The following DNAH3 variants were observed in gnomAD, a reference collection of about 807,000 sequenced individuals.
DNAH3 encodes the protein axonemal beta dynein heavy chain 3.
Under a neutral mutation model 432.5 loss-of-function variants are expected in DNAH3, and 332 were observed. That is an observed-to-expected ratio of 0.77 (90% CI 0.70 to 0.84). The LOEUF is 0.84. DNAH3 is among the 40% of genes least tolerant of loss of function. DNAH3 has a pLI of 0.00. For missense variants in DNAH3, 4,861 were observed against 5,114.0 expected, an observed-to-expected ratio of 0.95 and a Z score of 1.51; for synonymous variants, 1,956 against 1,900.2, an observed-to-expected ratio of 1.03 and a Z score of -0.76.
At chr16:21,038,838 T>C (rs185922881) in intron 33 of DNAH3, among the ~76,000 whole-genome samples, 1 of 152,210 alleles carries the variant, frequency 6.6e-6, no homozygotes, top group South Asian at 2.1e-4. Context: ...AAATGTCATA[T>C]GACTGAGGCA....
intron 15 of DNAH3, 149 bp downstream of exon 15, chr16:21,106,341 A>T: frequency 3.1e-6 from 2 of 636,088 alleles, no homozygotes; most frequent in Non-Finnish European, 4.6e-6. Context: ...TTTTATATTT[A>T]GTGGTAGAAT....
chr16:20,951,662 C>T (rs1433937587), intron 56 of DNAH3, among the ~76,000 whole-genome samples: 2 of 150,660 alleles, frequency 1.3e-5, no homozygotes, highest in East Asian at 3.9e-4. Flanking sequence ...TCTTAAACTT[C>T]TGGCCTCAAG....
rs1221722019 is a variant in DNAH3 at position 21,112,033 on chromosome 16, G to A, written c.1880C>T (p.Ala627Val). 17 of 1,613,596 alleles carry A rather than the reference G, an allele frequency of 1.1e-5. No homozygotes were observed. The African/African-American group carries it at 1.1e-4, about 10-fold the overall frequency. ...AATGTCATGATTTTCTTTCAGGAAC[G>A]CAGCGATGTTTTGCTCTGCCGTGTT... is the stretch of plus-strand genomic sequence containing the variant. The change falls in exon 13 of 62, where the codon GCG becomes GTG. Residue 627 changes from alanine to valine, a missense_variant. Transcript: ENST00000261383.
rs756497996 is a variant in DNAH3, at chr16:20,944,556, C to T, written c.11451G>A (p.Leu3817=). 3.1e-6 allele frequency: 5 copies of T among 1,614,196 alleles called. 1 individual carries two copies. The Admixed American group carries it at 8.3e-5, about 27-fold the overall frequency. ...GGAGGGTCAGCAGGACCCCCTCAAACAGCTGGTTGGTTTCCTGGTTGTCTT... is the reference window on the plus strand; with the variant it reads ...GGAGGGTCAGCAGGACCCCCTCAAATAGCTGGTTGGTTTCCTGGTTGTCTT... The change falls in exon 58 of 62, where the codon CTG becomes CTA. Residue 3817 remains leucine (L), a synonymous_variant. Transcript: ENST00000261383.
At chr16:21,084,907 T>A (rs2091312300) in intron 19 of DNAH3, among the ~76,000 whole-genome samples, 1 of 152,274 alleles carries the variant, frequency 6.6e-6, no homozygotes, top group East Asian at 1.9e-4. Flanking sequence ...TAGTGCCATC[T>A]CATAGAGAAA....
chr16:20,936,652 G>C (rs777494450), exon 60 of DNAH3: 2 of 1,593,354 alleles, frequency 1.3e-6, no homozygotes, highest in Admixed American at 3.4e-5. Flanking sequence ...CAGGTACCTG[G>C]AAGAAGGTCA....
exon 61 of DNAH3, chr16:20,935,467 G>C: frequency 6.2e-7 from 1 of 1,611,340 alleles, no homozygotes; most frequent in East Asian, 2.2e-5. Flanking sequence ...ACCACAGGGG[G>C]CCCCTTGTCA....
At chr16:21,046,924 T>C (rs937488504) in intron 31 of DNAH3, among the ~76,000 whole-genome samples, 109 of 152,026 alleles carry the variant, frequency 7.2e-4, no homozygotes, top group Non-Finnish European at 1.1e-3. Flanking sequence ...TTATTTCTCC[T>C]TCACTTATGA....
At chr16:20,941,413 A>C in exon 59 of DNAH3, 2 of 1,613,970 alleles carry the variant, frequency 1.2e-6, no homozygotes, top group Non-Finnish European at 1.7e-6. Flanking sequence ...GTTGAATCTG[A>C]TGAGCTCCTG....
chr16:21,134,359 G>T (rs376282549), exon 7 of DNAH3: 110 of 1,614,052 alleles, frequency 6.8e-5, no homozygotes, highest in Non-Finnish European at 9.2e-5. Flanking sequence ...CTGTGCCAGG[G>T]CACAGGGGCC....
In DNAH3 at chr16:20,936,638, C is replaced by T; in HGVS notation, c.11859+11G>A. On this transcript the variant is annotated intron_variant, in intron 60 of 61. Coordinates refer to ENST00000261383, the Ensembl canonical transcript of DNAH3. ...ATGCCAGGTTCCCGGTTACCCCTGACTCCCAGGTACCTGGAAGAAGGTCAG... is the reference window on the plus strand; with the variant it reads ...ATGCCAGGTTCCCGGTTACCCCTGATTCCCAGGTACCTGGAAGAAGGTCAG... 1 of 1,582,356 alleles carries T rather than the reference C, an allele frequency of 6.3e-7. No individual in the cohort carries two copies. The highest frequency in any genetic ancestry group is 8.6e-7 in the Non-Finnish European group (1 of 1,163,106).
At chr16:20,955,098 A>G in intron 54 of DNAH3, 41 bp from the exon 55 acceptor site, 1 of 1,531,584 alleles carries the variant, frequency 6.5e-7, no homozygotes, top group East Asian at 2.3e-5. Flanking sequence ...GCAATACAAT[A>G]AGTTATAGTG....
At chr16:20,938,504 T>C (rs2083679724) in intron 59 of DNAH3, among the ~76,000 whole-genome samples, 1 of 152,084 alleles carries the variant, frequency 6.6e-6, no homozygotes, top group Admixed American at 6.6e-5. Context: ...CCTAAAGACC[T>C]ACTTGCAAAG....
intron 21 of DNAH3, among the ~76,000 whole-genome samples, chr16:21,071,784 C>T (rs2090793253): frequency 6.6e-6 from 1 of 152,058 alleles, no homozygotes; most frequent in African/African-American, 2.4e-5. Context: ...CAAATACAGT[C>T]TAATCCAAGA....
chr16:21,002,353 G>T (rs990732005), intron 42 of DNAH3, among the ~76,000 whole-genome samples: 1 of 152,068 alleles, frequency 6.6e-6, no homozygotes, highest in African/African-American at 2.4e-5. Flanking sequence ...ACTTTTCAGA[G>T]AATTCTGATC....
intron 18 of DNAH3, among the ~76,000 whole-genome samples, chr16:21,087,695 C>T (rs1358383545): frequency 1.3e-5 from 2 of 152,064 alleles, no homozygotes; most frequent in African/African-American, 4.8e-5. Context: ...GTCAGGAATT[C>T]AAGACCAGCT....
At chr16:21,068,263 CT>C (rs1816056656) in intron 23 of DNAH3, among the ~76,000 whole-genome samples, 1 of 145,164 alleles carries the variant, frequency 6.9e-6, no homozygotes, top group African/African-American at 2.6e-5. Context: ...CCTTGACACG[CT>C]GAGACAACTA....
At chr16:21,045,567 TTTTC>T (rs1355581348) in intron 31 of DNAH3, among the ~76,000 whole-genome samples, 3 of 148,904 alleles carry the variant, frequency 2.0e-5, no homozygotes, top group Non-Finnish European at 3.0e-5. Flanking sequence ...TTCTCTCTTT[TTTTC>T]TTTATTAGTC....
At chr16:20,949,263 CAAAA>C (rs34267850) in intron 56 of DNAH3, among the ~76,000 whole-genome samples, 2 of 66,028 alleles carry the variant, frequency 3.0e-5, no homozygotes, top group East Asian at 4.4e-4. Context: ...GAGACTGTCT[CAAAA>C]AAAAAAAAAA....
Sources: allele counts gnomAD v4.1 joint callset (sites outside exome capture counted in the v4.1 genomes callset), GRCh38; gene constraint gnomAD v4.1.1; transcripts MANE v1.5; gene names NCBI Gene and HGNC (gene_info 2026-07-23, HGNC 2026-07-21).